Variants in GLYATL2 observed in about 807,000 individuals in gnomAD.
GLYATL2 encodes glycine-N-acyltransferase like 2, also known as glycine N-acyltransferase-like protein 2.
A neutral mutation model predicts 21.4 loss-of-function variants in GLYATL2; 25 were observed. The observed-to-expected ratio is 1.17, with a 90% CI of 0.85 to 1.63. The LOEUF is 1.63. Among genes scored for constraint, GLYATL2 ranks in the 40% most tolerant of loss-of-function variants. The pLI, the probability that GLYATL2 is intolerant of heterozygous loss-of-function variation, is 0.00. For synonymous variants in GLYATL2, 114 were observed against 118.2 expected (o/e 0.96, Z 0.23); for missense variants, 361 against 343.3 (o/e 1.05, Z -0.41).
At position 58,834,838 on chromosome 11, in the gene GLYATL2, CT is replaced by C; in HGVS notation, c.477-2del. On this transcript the variant is annotated splice_acceptor_variant, in intron 5 of 5. Transcript: ENST00000287275. LOFTEE classifies it high-confidence loss of function. Reference sequence around the variant, plus strand: ...GAACATGTTTGAAAAGTTTCCTTCCCTGTGAAGAAAAAGAATTTTACATTTA... The same window carrying C: ...GAACATGTTTGAAAAGTTTCCTTCCCGTGAAGAAAAAGAATTTTACATTTA... 1 of 1,560,086 alleles carries C rather than the reference CT, an allele frequency of 6.4e-7. No homozygotes were observed. Among genetic ancestry groups the C allele is most frequent in the African/African-American group, 1.4e-5 (1 of 72,346 alleles).
chr11:58,866,784 A>G (rs1024608721), intron 1 of GLYATL2, among the ~76,000 whole-genome samples: 3 of 149,212 alleles, frequency 2.0e-5, no homozygotes, highest in African/African-American at 7.3e-5. Context: ...AGGTAACTTT[A>G]AAAGAATTTA....
chr11:58,839,107 A>T (rs1254442898), intron 2 of GLYATL2, among the ~76,000 whole-genome samples: 1 of 152,180 alleles, frequency 6.6e-6, no homozygotes, highest in Non-Finnish European at 1.5e-5. Context: ...GAGGCAAAAT[A>T]AAAAAGGCTG....
intron 1 of GLYATL2, among the ~76,000 whole-genome samples, chr11:58,872,059 T>TC (rs1565100109): frequency 6.6e-6 from 1 of 152,222 alleles, no homozygotes; most frequent in Admixed American, 6.5e-5. Context: ...TTTTCATGTG[T>TC]TTTTGGCTGC....
At chr11:58,845,083 G>A (rs1317551810), upstream of GLYATL2, among the ~76,000 whole-genome samples, 2 of 152,158 alleles carry the variant, frequency 1.3e-5, no homozygotes, top group African/African-American at 4.8e-5. Context: ...TAGCTTTGTA[G>A]TGGAATAGAG....
intron 1 of GLYATL2, among the ~76,000 whole-genome samples, chr11:58,884,219 G>A (rs1854395386): frequency 6.6e-6 from 1 of 152,160 alleles, no homozygotes; most frequent in Admixed American, 6.6e-5. Context: ...GACCAGGACA[G>A]TCAGGCAGGA....
intron 1 of GLYATL2, among the ~76,000 whole-genome samples, chr11:58,896,461 G>A (rs1013137161): frequency 1.3e-5 from 2 of 152,078 alleles, no homozygotes; most frequent in Admixed American, 6.6e-5. Flanking sequence ...CTCCTTTTGC[G>A]TCCACATCTT....
intron 1 of GLYATL2, among the ~76,000 whole-genome samples, chr11:58,875,914 C>A (rs570993592): frequency 7.3e-4 from 111 of 152,214 alleles, no homozygotes; most frequent in Non-Finnish European, 1.3e-3. Context: ...CTCCCCGTCA[C>A]TTTCAGGTAC....
intron 1 of GLYATL2, among the ~76,000 whole-genome samples, chr11:58,861,034 A>C (rs1198172450): frequency 6.6e-6 from 1 of 152,102 alleles, no homozygotes; most frequent in Non-Finnish European, 1.5e-5. Context: ...TATGTTCATC[A>C]GTGCTATTGC....
chr11:58,834,533 C>A lies in GLYATL2; in HGVS notation c.781G>T (p.Ala261Ser). 3 of 1,613,354 alleles carry A rather than the reference C, an allele frequency of 1.9e-6. No individual in the cohort carries two copies. Among genetic ancestry groups the A allele is most frequent in the Non-Finnish European group, 2.5e-6 (3 of 1,179,416 alleles). The change falls in exon 6 of 6, where the codon GCA becomes TCA. Residue 261 changes from alanine (A) to serine (S), a missense_variant. By Grantham distance (99) the Ala-to-Ser change is moderately conservative (BLOSUM62 1). Transcript: ENST00000287275. Reference sequence around the variant, plus strand: ...TGTAGGCTTTTCTCATTATTATCTGCCACATGGAAATAAAATGGGATTTCT... The same window carrying A: ...TGTAGGCTTTTCTCATTATTATCTGACACATGGAAATAAAATGGGATTTCT... ...QKEIPFYFHV[A>S]DNNEKSLQAL... is the part of the protein sequence containing the mutation.
At chr11:58,881,776 C>T (rs1161544821) in intron 1 of GLYATL2, among the ~76,000 whole-genome samples, 1 of 152,140 alleles carries the variant, frequency 6.6e-6, no homozygotes, top group East Asian at 1.9e-4. Flanking sequence ...TGTGATGTTC[C>T]CCGCCCTGTG....
intron 1 of GLYATL2, among the ~76,000 whole-genome samples, chr11:58,900,941 T>G (rs1229919727): frequency 2.7e-5 from 4 of 150,360 alleles, no homozygotes; most frequent in African/African-American, 5.0e-5. Context: ...GCTTCTTTTC[T>G]CCTCCCTATT....
chr11:58,873,966 G>C (rs539072656), intron 1 of GLYATL2, among the ~76,000 whole-genome samples: 4 of 152,066 alleles, frequency 2.6e-5, no homozygotes, highest in Admixed American at 6.6e-5. Context: ...ATTTCAGAGG[G>C]TGTTATTGGT....
At chr11:58,855,166 A>G (rs753774106) in intron 1 of GLYATL2, among the ~76,000 whole-genome samples, 42 of 152,236 alleles carry the variant, frequency 2.8e-4, no homozygotes, top group Non-Finnish European at 6.0e-4. Flanking sequence ...GAGATTTTCA[A>G]TTTACTTTGC....
At chr11:58,859,064 G>A (rs1394742085) in intron 1 of GLYATL2, among the ~76,000 whole-genome samples, 2 of 152,162 alleles carry the variant, frequency 1.3e-5, no homozygotes, top group African/African-American at 4.8e-5. Flanking sequence ...AGGGGTGGAA[G>A]TCTCTGAAGC....
intron 1 of GLYATL2, among the ~76,000 whole-genome samples, chr11:58,854,509 A>C (rs1466560358): frequency 6.6e-6 from 1 of 152,238 alleles, no homozygotes; most frequent in African/African-American, 2.4e-5. Context: ...GCTAAGGATA[A>C]TCTGAGCTTT....
chr11:58,852,583 A>G (rs976681190), intron 1 of GLYATL2, among the ~76,000 whole-genome samples: 2 of 152,200 alleles, frequency 1.3e-5, no homozygotes, highest in African/African-American at 4.8e-5. Flanking sequence ...AGATAGGGTA[A>G]ATAGCTTGCT....
chr11:58,865,590 A>ACATTCAATCATGTGTC (rs1030655014), intron 1 of GLYATL2, among the ~76,000 whole-genome samples: 11 of 149,174 alleles, frequency 7.4e-5, no homozygotes, highest in African/African-American at 2.4e-4. Context: ...TCAGTTTTGC[A>ACATTCAATCATGTGTC]TATGCAATCA....
chr11:58,884,799 T>C (rs1854406685), intron 1 of GLYATL2: 1 of 161,866 alleles, frequency 6.2e-6, no homozygotes. Context: ...ATGAGGGTGA[T>C]ACTGACAGTA....
upstream of GLYATL2, chr11:58,907,733 T>C (rs182133516): frequency 4.9e-6 from 1 of 202,630 alleles, no homozygotes; most frequent in Non-Finnish European, 1.0e-5. Flanking sequence ...GTGCCAAAAA[T>C]TTTTACATTC....
Sources: gnomAD v4.1 joint callset for allele counts (sites outside exome capture counted in the v4.1 genomes callset) on GRCh38, gnomAD v4.1.1 for gene constraint, MANE v1.5 for transcripts, NCBI Gene and HGNC (gene_info 2026-07-23, HGNC 2026-07-21) for gene names.